CNTN4: variants seen among roughly 807,000 people sequenced by gnomAD.
CNTN4 encodes the protein contactin-4.
A neutral mutation model predicts 122.5 loss-of-function variants in CNTN4; 77 were observed. The observed-to-expected ratio is 0.63, with a 90% CI of 0.52 to 0.76. The LOEUF is 0.76. Among genes scored for constraint, CNTN4 ranks in the 30% least tolerant of loss-of-function variants. CNTN4 has a pLI of 0.00. For missense variants in CNTN4, 1,256 were observed against 1,259.1 expected, an observed-to-expected ratio of 1.00 and a Z score of 0.04; for synonymous variants, 512 against 447.0, an observed-to-expected ratio of 1.15 and a Z score of -1.83.
Position 2,232,325 on chromosome 3 carries a change from A to G in CNTN4, c.-144-106853A>G, listed in dbSNP as rs550566741. 1.3e-3 allele frequency among the ~76,000 whole-genome samples: 193 copies of G among 152,324 alleles called. 1 individual carries two copies. The highest frequency in any genetic ancestry group is 4.6e-3 in the African/African-American group (190 of 41,584). On this transcript the variant is annotated intron_variant, in intron 2 of 24. Coordinates refer to ENST00000418658, the MANE Select transcript of CNTN4 (RefSeq NM_175607.3). ...AACATTCAGAGTAGTTGAACTTAACAGTCAAGTATCTCTAGCTGCAAAGCT... is the reference window on the plus strand; with the variant it reads ...AACATTCAGAGTAGTTGAACTTAACGGTCAAGTATCTCTAGCTGCAAAGCT...
In CNTN4 at chr3:2,673,580, G is replaced by A. The variant is rs182444191; in HGVS notation, c.56-62635G>A. Among the ~76,000 whole-genome samples, 22 of 151,906 alleles carry A rather than the reference G, an allele frequency of 1.4e-4. 1 individual carries two copies. Among genetic ancestry groups the A allele is most frequent in the African/African-American group, 4.1e-4 (17 of 41,342 alleles). On this transcript the variant is annotated intron_variant, in intron 4 of 24. Coordinates refer to ENST00000418658, the MANE Select transcript of CNTN4 (RefSeq NM_175607.3). ...TTTCGAGGTGGTGTCTCATTCTGTC[G>A]CCCAGGCTGGAGTGCAGTGGCGTGA... is the stretch of plus-strand genomic sequence containing the variant.
chr3:2,591,795 T>C (rs1461436713), intron 4 of CNTN4, among the ~76,000 whole-genome samples: 3 of 152,106 alleles, frequency 2.0e-5, no homozygotes, highest in Admixed American at 1.3e-4. Context: ...TAAAGAAAAG[T>C]AAGTGTTGAA....
At chr3:2,107,713 A>G (rs1326581850) in intron 2 of CNTN4, among the ~76,000 whole-genome samples, 2 of 152,144 alleles carry the variant, frequency 1.3e-5, no homozygotes, top group Non-Finnish European at 2.9e-5. Context: ...GTATGACTTA[A>G]AGTGAATACT....
chr3:2,270,924 G>A (rs1313672885), intron 2 of CNTN4, among the ~76,000 whole-genome samples: 3 of 152,138 alleles, frequency 2.0e-5, no homozygotes, highest in African/African-American at 4.8e-5. Flanking sequence ...GCTGTGGTCA[G>A]TTGGTACCTG....
Position 2,591,352 on chromosome 3 carries a change from C to CTTTT in CNTN4, c.55+19821_55+19824dup, listed in dbSNP as rs71058629. Among the ~76,000 whole-genome samples the CTTTT allele has an allele frequency of 6.5e-3, 235 of 36,384 alleles. 71 individuals carry two copies. The highest frequency in any genetic ancestry group is 0.02 in the African/African-American group (205 of 10,286). The allele number at this position is 36,384 out of a possible 152,430, so 23.9% of individuals were successfully genotyped here. On this transcript the variant is annotated intron_variant, in intron 4 of 24. Coordinates refer to ENST00000418658, the MANE Select transcript of CNTN4 (RefSeq NM_175607.3). ...CTTTGAAGAACTAGTAGATTTGTGA[C>CTTTT]TTTTTTTTTTTTTTTTTTTTTTTTT... is the stretch of plus-strand genomic sequence containing the variant.
At chr3:2,755,462 TAGA>T (rs946713718) in intron 6 of CNTN4, among the ~76,000 whole-genome samples, 70 of 152,286 alleles carry the variant, frequency 4.6e-4, no homozygotes, top group African/African-American at 1.6e-3. Context: ...TTGGAATAGG[TAGA>T]AGAAGTCAAA....
intron 4 of CNTN4, among the ~76,000 whole-genome samples, chr3:2,636,252 A>T (rs1366350845): frequency 6.6e-6 from 1 of 152,204 alleles, no homozygotes. Flanking sequence ...AATAGAGCTA[A>T]TTCCACATAC....
chr3:2,800,004 AT>A (rs2092308204), intron 6 of CNTN4, among the ~76,000 whole-genome samples: 8 of 150,002 alleles, frequency 5.3e-5, no homozygotes, highest in Admixed American at 5.3e-4. Context: ...GTCTATTTTT[AT>A]ACCAGTTCCA....
intron 7 of CNTN4, among the ~76,000 whole-genome samples, chr3:2,847,044 G>A (rs980566971): frequency 6.6e-6 from 1 of 152,064 alleles, no homozygotes; most frequent in Admixed American, 6.5e-5. Flanking sequence ...CCTTTCATAT[G>A]TCCATTCCTG....
intron 6 of CNTN4, among the ~76,000 whole-genome samples, chr3:2,769,566 G>C (rs748047039): frequency 8.5e-5 from 13 of 152,132 alleles, no homozygotes; most frequent in Non-Finnish European, 1.6e-4. Flanking sequence ...ACGTTGAAAA[G>C]TTCTGTCTTT....
intron 3 of CNTN4, among the ~76,000 whole-genome samples, chr3:2,475,059 G>T (rs750112099): frequency 6.6e-6 from 1 of 152,082 alleles, no homozygotes; most frequent in African/African-American, 2.4e-5. Context: ...AATTGCTTTG[G>T]TTTAAAAATA....
intron 6 of CNTN4, among the ~76,000 whole-genome samples, chr3:2,788,864 T>G (rs1212597401): frequency 6.6e-6 from 1 of 152,138 alleles, no homozygotes; most frequent in East Asian, 1.9e-4. Context: ...CAAGAAAAAT[T>G]TTCTTTTTTA....
chr3:2,675,013 C>A (rs982523198), intron 4 of CNTN4, among the ~76,000 whole-genome samples: 2 of 152,004 alleles, frequency 1.3e-5, no homozygotes, highest in African/African-American at 4.8e-5. Context: ...TGGATAAGAC[C>A]TCAAAAGCAC....
At chr3:2,528,992 A>G (rs533160875) in intron 3 of CNTN4, among the ~76,000 whole-genome samples, 3 of 152,228 alleles carry the variant, frequency 2.0e-5, no homozygotes, top group South Asian at 4.1e-4. Context: ...CTGAAAATAT[A>G]TAATAAATTA....
At chr3:2,651,708 C>CT (rs528994352) in intron 4 of CNTN4, among the ~76,000 whole-genome samples, 15,230 of 142,946 alleles carry the variant, frequency 0.11, 1,190 homozygotes, top group African/African-American at 0.22. Flanking sequence ...TCTTTTTTTT[C>CT]TTTTTTTTTT....
chr3:2,802,955 A>G (rs563812555), intron 6 of CNTN4, among the ~76,000 whole-genome samples: 3 of 152,364 alleles, frequency 2.0e-5, no homozygotes, highest in African/African-American at 7.2e-5. Flanking sequence ...CTTAAAGAAA[A>G]GACTGATGCA....
At chr3:2,316,145 CATG>C (rs1278933951) in intron 2 of CNTN4, among the ~76,000 whole-genome samples, 1 of 151,974 alleles carries the variant, frequency 6.6e-6, no homozygotes, top group African/African-American at 2.4e-5. Context: ...ATCATAATCT[CATG>C]ATGATTATGG....
At chr3:2,843,545 C>T (rs2093401353) in intron 7 of CNTN4, among the ~76,000 whole-genome samples, 1 of 152,184 alleles carries the variant, frequency 6.6e-6, no homozygotes, top group Non-Finnish European at 1.5e-5. Context: ...GAGGTGGGGC[C>T]TGGTGGGAGG....
chr3:2,307,812 TC>T (rs2042774243), intron 2 of CNTN4, among the ~76,000 whole-genome samples: 1 of 152,154 alleles, frequency 6.6e-6, no homozygotes, highest in South Asian at 2.1e-4. Flanking sequence ...TGGTCATAAT[TC>T]TTTTTATCTG....
Sources: allele counts gnomAD v4.1 joint callset (sites outside exome capture counted in the v4.1 genomes callset), GRCh38; gene constraint gnomAD v4.1.1; transcripts MANE v1.5; gene names NCBI Gene and HGNC (gene_info 2026-07-23, HGNC 2026-07-21).